The following NXPH1 variants were observed in gnomAD, a reference collection of about 807,000 sequenced individuals.
NXPH1 encodes neurexophilin 1.
Under a neutral mutation model 23.7 loss-of-function variants are expected in NXPH1, and 5 were observed. The ratio of observed to expected loss-of-function variants is 0.21; its 90% CI spans 0.11 to 0.44. The LOEUF is 0.44. Among genes scored for constraint, NXPH1 ranks in the 20% least tolerant of loss-of-function variants. The pLI is 0.99. For synonymous variants in NXPH1, 144 were observed against 122.2 expected, an observed-to-expected ratio of 1.18 and a Z score of -1.18; for missense variants, 324 against 321.6, an observed-to-expected ratio of 1.01 and a Z score of -0.06.
chr7:8,436,312 C>G (rs551292497), intron 2 of NXPH1, among the ~76,000 whole-genome samples: 1 of 152,328 alleles, frequency 6.6e-6, no homozygotes, highest in South Asian at 2.1e-4. Flanking sequence ...TGCAAGCAAT[C>G]GGAGTTAGGA....
intron 2 of NXPH1, among the ~76,000 whole-genome samples, chr7:8,606,048 G>T (rs183735968): frequency 3.9e-4 from 60 of 152,132 alleles, no homozygotes; most frequent in African/African-American, 1.4e-3. Context: ...TGTAAAAATA[G>T]TTCTTGGTGA....
intron 2 of NXPH1, among the ~76,000 whole-genome samples, chr7:8,705,719 C>T (rs1314397909): frequency 6.6e-6 from 1 of 152,150 alleles, no homozygotes; most frequent in African/African-American, 2.4e-5. Flanking sequence ...AGTTTTGTCT[C>T]TATGACTATT....
chr7:8,533,059 A>G (rs1453195150), intron 2 of NXPH1, among the ~76,000 whole-genome samples: 1 of 152,072 alleles, frequency 6.6e-6, no homozygotes, highest in African/African-American at 2.4e-5. Context: ...TGGTACTGCT[A>G]TTATACTTAT....
At chr7:8,604,586 G>C (rs1046342657) in intron 2 of NXPH1, among the ~76,000 whole-genome samples, 11 of 152,006 alleles carry the variant, frequency 7.2e-5, no homozygotes, top group African/African-American at 2.7e-4. Flanking sequence ...ATAATTTTCA[G>C]TCAAACTTTG....
At chr7:8,476,594 T>C (rs2057863) in intron 2 of NXPH1, among the ~76,000 whole-genome samples, 18 of 152,084 alleles carry the variant, frequency 1.2e-4, no homozygotes, top group Non-Finnish European at 2.1e-4. Flanking sequence ...TTTAATGATG[T>C]TTTTACACTA....
chr7:8,518,928 T>G (rs1402485991), intron 2 of NXPH1, among the ~76,000 whole-genome samples: 3 of 152,248 alleles, frequency 2.0e-5, no homozygotes, highest in Non-Finnish European at 2.9e-5. Flanking sequence ...GTTCATTTTT[T>G]TTTTCTCCCC....
chr7:8,531,035 G>C (rs1327507102), intron 2 of NXPH1, among the ~76,000 whole-genome samples: 1 of 152,160 alleles, frequency 6.6e-6, no homozygotes, highest in African/African-American at 2.4e-5. Context: ...ATGGGGATCA[G>C]AAAACATTAT....
At chr7:8,635,029 G>A (rs1820196956) in intron 2 of NXPH1, among the ~76,000 whole-genome samples, 2 of 152,140 alleles carry the variant, frequency 1.3e-5, no homozygotes, top group African/African-American at 2.4e-5. Context: ...ATAATACTGG[G>A]AGTTTTGAAC....
chr7:8,574,288 A>C (rs1818709394), intron 2 of NXPH1, among the ~76,000 whole-genome samples: 1 of 152,048 alleles, frequency 6.6e-6, no homozygotes, highest in Non-Finnish European at 1.5e-5. Flanking sequence ...AATTAAAAAC[A>C]TTTTTTTAAG....
intron 2 of NXPH1, among the ~76,000 whole-genome samples, chr7:8,666,457 A>C (rs2107472): frequency 6.6e-6 from 1 of 151,786 alleles, no homozygotes; most frequent in Non-Finnish European, 1.5e-5. Context: ...GAGAGTTTTC[A>C]TATTTATGTT....
At chr7:8,618,679 ATT>A (rs1341898955) in intron 2 of NXPH1, among the ~76,000 whole-genome samples, 1 of 152,196 alleles carries the variant, frequency 6.6e-6, no homozygotes. Flanking sequence ...TTGCTAATGC[ATT>A]GTTTCCTTAG....
At chr7:8,436,602 G>C (rs1212355771) in intron 2 of NXPH1, among the ~76,000 whole-genome samples, 1 of 152,094 alleles carries the variant, frequency 6.6e-6, no homozygotes, top group Non-Finnish European at 1.5e-5. Flanking sequence ...AGGAGAATGA[G>C]ATATTTCAGG....
At chr7:8,530,707 C>T (rs1817938156) in intron 2 of NXPH1, among the ~76,000 whole-genome samples, 1 of 152,178 alleles carries the variant, frequency 6.6e-6, no homozygotes, top group Non-Finnish European at 1.5e-5. Context: ...CAGAGGGTGC[C>T]ATGCAGGCCC....
intron 2 of NXPH1, 140 bp from the exon 3 acceptor site, chr7:8,750,868 G>C (rs1780551490): frequency 1.2e-5 from 9 of 751,314 alleles, no homozygotes; most frequent in African/African-American, 1.8e-5. Flanking sequence ...TCTCTGCTTT[G>C]GGTGTTCTTC....
At chr7:8,546,512 T>C (rs1818199689) in intron 2 of NXPH1, among the ~76,000 whole-genome samples, 1 of 151,396 alleles carries the variant, frequency 6.6e-6, no homozygotes, top group East Asian at 2.0e-4. Flanking sequence ...TTAAAATGCA[T>C]ATTCCCTGGC....
intron 2 of NXPH1, among the ~76,000 whole-genome samples, chr7:8,549,846 C>T (rs1003638189): frequency 4.0e-5 from 6 of 151,356 alleles, no homozygotes; most frequent in African/African-American, 1.5e-4. Flanking sequence ...GGATTCACAC[C>T]CTGGAAGCCC....
chr7:8,525,316 C>A (rs1817844109), intron 2 of NXPH1, among the ~76,000 whole-genome samples: 1 of 152,140 alleles, frequency 6.6e-6, no homozygotes, highest in Non-Finnish European at 1.5e-5. Flanking sequence ...AGCAGCAAAG[C>A]ATTCAAGGGG....
chr7:8,521,175 G>T (rs1268045570), intron 2 of NXPH1, among the ~76,000 whole-genome samples: 1 of 152,106 alleles, frequency 6.6e-6, no homozygotes, highest in African/African-American at 2.4e-5. Context: ...TGAATGTTTT[G>T]CACTTAAAGA....
At chr7:8,668,651 T>A (rs1366373516) in intron 2 of NXPH1, among the ~76,000 whole-genome samples, 3 of 131,918 alleles carry the variant, frequency 2.3e-5, no homozygotes, top group Non-Finnish European at 4.5e-5. Context: ...TGAGCCTGAG[T>A]CTGCAGGGGC....
Sources: allele counts gnomAD v4.1 joint callset (sites outside exome capture counted in the v4.1 genomes callset), GRCh38; gene constraint gnomAD v4.1.1; transcripts MANE v1.5; gene names NCBI Gene and HGNC (gene_info 2026-07-23, HGNC 2026-07-21).